Variants in CDH18 observed in about 807,000 individuals in gnomAD.
CDH18 encodes cadherin-18.
A neutral mutation model predicts 67.9 loss-of-function variants in CDH18; 31 were observed. The observed-to-expected ratio is 0.46, with a 90% CI of 0.34 to 0.62. The LOEUF (loss-of-function observed/expected upper bound fraction) is 0.62, where lower values mean the gene tolerates loss of function less well. Ranked by LOEUF, CDH18 falls within the 20% of genes least tolerant of loss-of-function variation. CDH18 has a pLI of 0.01. For missense variants in CDH18, 890 were observed against 975.5 expected (o/e 0.91, Z 1.17); for synonymous variants, 362 against 347.2 (o/e 1.04, Z -0.48).
intron 2 of CDH18, among the ~76,000 whole-genome samples, chr5:19,909,319 G>C (rs936747830): frequency 1.0e-5 from 1 of 100,380 alleles, no homozygotes; most frequent in Non-Finnish European, 2.0e-5. Context: ...TTTTTTTTTT[G>C]AGATGGGGTC....
intron 1 of CDH18, among the ~76,000 whole-genome samples, chr5:20,555,210 T>C (rs1008578613): frequency 6.6e-6 from 1 of 152,092 alleles, no homozygotes; most frequent in Non-Finnish European, 1.5e-5. Flanking sequence ...CATGGGAGCA[T>C]GCATTGAGAA....
intron 1 of CDH18, among the ~76,000 whole-genome samples, chr5:20,269,902 G>T (rs190889021): frequency 3.3e-5 from 5 of 152,018 alleles, no homozygotes; most frequent in Middle Eastern, 3.4e-3. Flanking sequence ...AAAATGTACA[G>T]AATTCAAAAA....
intron 5 of CDH18, among the ~76,000 whole-genome samples, chr5:19,670,407 T>G (rs1758578014): frequency 6.6e-6 from 1 of 152,134 alleles, no homozygotes; most frequent in African/African-American, 2.4e-5. Context: ...TGGTTATAAA[T>G]GACGGCAAAT....
intron 2 of CDH18, among the ~76,000 whole-genome samples, chr5:20,230,357 G>C (rs1250723101): frequency 6.6e-6 from 1 of 152,120 alleles, no homozygotes; most frequent in Non-Finnish European, 1.5e-5. Flanking sequence ...GGTTAATACT[G>C]TGCAATGTAT....
chr5:19,593,269 C>T (rs530693246), intron 6 of CDH18, among the ~76,000 whole-genome samples: 1 of 152,196 alleles, frequency 6.6e-6, no homozygotes, highest in East Asian at 1.9e-4. Flanking sequence ...TACACAAGTT[C>T]ACATTTCTAC....
intron 2 of CDH18, among the ~76,000 whole-genome samples, chr5:20,229,447 C>G (rs1057302629): frequency 6.6e-6 from 1 of 151,914 alleles, no homozygotes; most frequent in Admixed American, 6.6e-5. Flanking sequence ...CCAGGGTCTC[C>G]CATATAAAAT....
chr5:20,285,836 T>C (rs567490113), intron 1 of CDH18, among the ~76,000 whole-genome samples: 3 of 151,838 alleles, frequency 2.0e-5, no homozygotes, highest in African/African-American at 4.8e-5. Context: ...GTATCAGATA[T>C]AATATTTGCT....
intron 1 of CDH18, among the ~76,000 whole-genome samples, chr5:20,438,488 A>G (rs926617367): frequency 6.6e-6 from 1 of 151,362 alleles, no homozygotes; most frequent in Non-Finnish European, 1.5e-5. Context: ...CAAATTAACA[A>G]GCTTCACCTT....
At position 19,624,202 on chromosome 5, in the gene CDH18, T is replaced by C. The variant is rs890623731; in HGVS notation, c.644-11601A>G. ...TTGTATTTTTAGTAGAGACTGGGCTTTGCCATGTTGGCCAGGCTGGTCTTG... is the reference window on the plus strand; with the variant it reads ...TTGTATTTTTAGTAGAGACTGGGCTCTGCCATGTTGGCCAGGCTGGTCTTG... On this transcript the variant is annotated intron_variant, in intron 5 of 12. Coordinates refer to ENST00000382275, the MANE Select transcript of CDH18 (RefSeq NM_004934.5). Among the ~76,000 whole-genome samples, 3 of 151,982 alleles carry C rather than the reference T, an allele frequency of 2.0e-5. No individual in the cohort carries two copies. In the East Asian group the frequency reaches 5.8e-4, roughly 30 times the overall value.
chr5:20,143,513 A>C (rs1750406040), intron 2 of CDH18, among the ~76,000 whole-genome samples: 1 of 151,998 alleles, frequency 6.6e-6, no homozygotes, highest in Non-Finnish European at 1.5e-5. Context: ...GACTATACGC[A>C]TGCACCGCTA....
intron 10 of CDH18, among the ~76,000 whole-genome samples, chr5:19,519,203 A>G (rs1325676966): frequency 6.6e-6 from 1 of 152,116 alleles, no homozygotes; most frequent in African/African-American, 2.4e-5. Context: ...AGAGTTTTTT[A>G]TTTTAACAAC....
At chr5:19,829,977 G>T (rs989834490) in intron 3 of CDH18, among the ~76,000 whole-genome samples, 1 of 152,120 alleles carries the variant, frequency 6.6e-6, no homozygotes, top group African/African-American at 2.4e-5. Flanking sequence ...TAGGATAACG[G>T]TATAGCCATA....
At chr5:20,431,504 A>AGAAGAAG (rs1553997938) in intron 1 of CDH18, among the ~76,000 whole-genome samples, 1 of 138,744 alleles carries the variant, frequency 7.2e-6, no homozygotes, top group African/African-American at 2.7e-5. Flanking sequence ...AAAAAAAAAA[A>AGAAGAAG]AAGAAGAAGA....
intron 2 of CDH18, among the ~76,000 whole-genome samples, chr5:20,015,243 C>T (rs771894257): frequency 3.3e-5 from 5 of 152,006 alleles, no homozygotes; most frequent in Admixed American, 6.6e-5. Context: ...ATAGGTCCCA[C>T]GTTTATTAAA....
intron 2 of CDH18, among the ~76,000 whole-genome samples, chr5:19,944,734 G>A (rs963820833): frequency 6.6e-6 from 1 of 152,084 alleles, no homozygotes; most frequent in African/African-American, 2.4e-5. Context: ...AGATGAGATG[G>A]TATAGATTCA....
chr5:19,609,948 C>T (rs1580475696), intron 6 of CDH18, among the ~76,000 whole-genome samples: 1 of 152,074 alleles, frequency 6.6e-6, no homozygotes, highest in African/African-American at 2.4e-5. Context: ...TACTTCCCCA[C>T]TAGGTACATA....
chr5:19,866,260 T>C (rs549054549), intron 2 of CDH18, among the ~76,000 whole-genome samples: 2 of 152,300 alleles, frequency 1.3e-5, no homozygotes, highest in South Asian at 2.1e-4. Context: ...GAAGAACACA[T>C]AATCAGTATA....
intron 1 of CDH18, among the ~76,000 whole-genome samples, chr5:20,277,229 T>C (rs1745877767): frequency 6.6e-6 from 1 of 152,056 alleles, no homozygotes; most frequent in Non-Finnish European, 1.5e-5. Flanking sequence ...TCAAGATTCA[T>C]CCAGTGCAGT....
At chr5:19,644,899 C>T (rs1754513342) in intron 5 of CDH18, among the ~76,000 whole-genome samples, 1 of 152,172 alleles carries the variant, frequency 6.6e-6, no homozygotes, top group South Asian at 2.1e-4. Flanking sequence ...GCTCGCCAAC[C>T]ATACTGGCTA....
Sources: allele counts gnomAD v4.1 joint callset (sites outside exome capture counted in the v4.1 genomes callset), GRCh38; gene constraint gnomAD v4.1.1; transcripts MANE v1.5; gene names NCBI Gene and HGNC (gene_info 2026-07-23, HGNC 2026-07-21).